The following DNAJC11 variants were observed in gnomAD, a reference collection of about 807,000 sequenced individuals.
The protein encoded by DNAJC11 is dnaJ homolog subfamily C member 11.
A neutral mutation model predicts 78.6 loss-of-function variants in DNAJC11; 15 were observed. The observed-to-expected ratio is 0.19, with a 90% confidence interval of 0.13 to 0.29. The LOEUF (loss-of-function observed/expected upper bound fraction) is 0.29, where lower values mean the gene tolerates loss of function less well. Among genes scored for constraint, DNAJC11 ranks in the 10% least tolerant of loss-of-function variants. The pLI is 1.00. For synonymous variants in DNAJC11, 292 were observed against 272.1 expected (o/e 1.07, Z -0.72); for missense variants, 547 against 709.6 (o/e 0.77, Z 2.60).
intron 4 of DNAJC11, among the ~76,000 whole-genome samples, chr1:6,662,352 C>T (rs1642229787): frequency 6.6e-6 from 1 of 151,944 alleles, no homozygotes. Flanking sequence ...TGCCACCACG[C>T]CTGGCTAATT....
At position 6,645,674 on chromosome 1, in the gene DNAJC11, A is replaced by C. The variant is rs184895317; in HGVS notation, c.894+115T>G. ...GAGAGCCTGCCCCTCAGGGCCCTGT[A>C]TGGGCTTAGACTTAGTGGTGATCAG... On this transcript the variant is annotated intron_variant, in intron 8 of 15. Coordinates refer to ENST00000377577, the MANE Select transcript of DNAJC11 (RefSeq NM_018198.4). This position sits in a 1 kb window ranked among gnomAD's most constrained non-coding sequence, Gnocchi z 4.1. 3.9e-4 allele frequency: 468 copies of C among 1,206,308 alleles called. 1 individual carries two copies. In the African/African-American group the frequency reaches 6.4e-3, roughly 17 times the overall value. The allele number at this position is 1,206,308 out of a possible 1,614,324, so 74.7% of individuals were successfully genotyped here.
At chr1:6,697,610 C>T (rs1642858250) in intron 1 of DNAJC11, among the ~76,000 whole-genome samples, 1 of 152,186 alleles carries the variant, frequency 6.6e-6, no homozygotes, top group Non-Finnish European at 1.5e-5. Flanking sequence ...GCTTGCCCAC[C>T]ACTCACCTCC....
In DNAJC11 at chr1:6,645,689, G is replaced by A. The variant is rs1570270174; in HGVS notation, c.894+100C>T. ...AGGGCCCTGTATGGGCTTAGACTTA[G>A]TGGTGATCAGGACGCAGGATTTAAG... is the stretch of plus-strand genomic sequence containing the variant. On this transcript the variant is annotated intron_variant, in intron 8 of 15. Coordinates refer to ENST00000377577, the MANE Select transcript of DNAJC11 (RefSeq NM_018198.4). This position sits in a 1 kb window ranked among gnomAD's most constrained non-coding sequence, Gnocchi z 4.1. 24 of 1,371,920 alleles carry A rather than the reference G, an allele frequency of 1.7e-5. No individual in the cohort carries two copies. Among genetic ancestry groups the A allele is most frequent in the Non-Finnish European group, 2.2e-5 (22 of 983,816 alleles). The allele number at this position is 1,371,920 out of a possible 1,614,324, so 85.0% of individuals were successfully genotyped here.
rs778985996 is a variant in DNAJC11 at position 6,667,801 on chromosome 1, T to C, written c.286A>G (p.Arg96Gly). ...LEMEGWEVVE[R>G]RRTPAEIREE... ...CGAATTTCAGCAGGGGTTCTCCTCC[T>C]TTCCACAACCTATGCACAGAATCAA... is the stretch of plus-strand genomic sequence containing the variant. Residue 96 changes from arginine (R) to glycine (G), a missense_variant, in exon 4 of 16, where the codon AGG (arginine) becomes GGG (glycine). Transcript: ENST00000377577. The C allele has an allele frequency of 2.5e-6, 4 of 1,613,760 alleles. No individual in the cohort carries two copies. The highest frequency in any genetic ancestry group is 3.4e-6 in the Non-Finnish European group (4 of 1,180,018).
chr1:6,657,688 G>A (rs1033727503), intron 4 of DNAJC11, among the ~76,000 whole-genome samples: 4 of 152,170 alleles, frequency 2.6e-5, no homozygotes, highest in African/African-American at 2.4e-5. Context: ...TCTGTCGCCT[G>A]GGCTGGAGTG....
chr1:6,654,130 G>A, intron 4 of DNAJC11, 91 bp from the exon 5 acceptor site: 1 of 1,508,578 alleles, frequency 6.6e-7, no homozygotes. Context: ...CGCTTTAATT[G>A]AACAAGTCAT....
At chr1:6,698,310 A>G (rs1642871838) in intron 1 of DNAJC11, among the ~76,000 whole-genome samples, 1 of 152,228 alleles carries the variant, frequency 6.6e-6, no homozygotes, top group Non-Finnish European at 1.5e-5. Context: ...AACAGGTATT[A>G]AGATATTCTT....
At chr1:6,694,907 G>A (rs548678529) in intron 1 of DNAJC11, among the ~76,000 whole-genome samples, 37 of 146,616 alleles carry the variant, frequency 2.5e-4, no homozygotes, top group Non-Finnish European at 4.5e-4. Context: ...CCCGGGAGGC[G>A]GAGCTTGCAA....
intron 4 of DNAJC11, among the ~76,000 whole-genome samples, chr1:6,660,930 C>T (rs2281190): frequency 1.3e-5 from 2 of 152,016 alleles, no homozygotes; most frequent in African/African-American, 2.4e-5. Context: ...TATTTGTACT[C>T]GTTGAGTAGA....
At chr1:6,701,261 G>A (rs1168950036) in intron 1 of DNAJC11, among the ~76,000 whole-genome samples, 1 of 152,150 alleles carries the variant, frequency 6.6e-6, no homozygotes, top group Non-Finnish European at 1.5e-5. Context: ...CTCGGGAACC[G>A]GAAAAAGCCC....
chr1:6,674,572 TA>T (rs1348434816), intron 3 of DNAJC11, among the ~76,000 whole-genome samples: 1 of 151,298 alleles, frequency 6.6e-6, no homozygotes, highest in Non-Finnish European at 1.5e-5. Context: ...AAAATAAAAA[TA>T]AAAAAATTAG....
Position 6,653,793 on chromosome 1 carries a change from C to G in DNAJC11, c.507+118G>C. The stretch of plus-strand genomic sequence containing the variant: ...TTCTTTTTTAAGTGGCTAATTGCAT[C>G]CTTTCATAAATAAAGATGAGAAAAA... On this transcript the variant is annotated intron_variant, in intron 5 of 15. Transcript: ENST00000377577. The surrounding 1 kb of genome is among the most constrained non-coding windows in gnomAD (Gnocchi z 4.5). 1 of 1,342,726 alleles carries G rather than the reference C, an allele frequency of 7.4e-7. No individual in the cohort carries two copies. The highest frequency in any genetic ancestry group is 1.3e-5 in the South Asian group (1 of 74,310). The allele number at this position is 1,342,726 out of a possible 1,614,324, so 83.2% of individuals were successfully genotyped here.
At chr1:6,666,182 C>T (rs1642290797) in intron 4 of DNAJC11, among the ~76,000 whole-genome samples, 1 of 152,164 alleles carries the variant, frequency 6.6e-6, no homozygotes, top group African/African-American at 2.4e-5. Context: ...GAGTGATACA[C>T]AAGCTTCATT....
At chr1:6,696,756 A>T (rs1004652766) in intron 1 of DNAJC11, among the ~76,000 whole-genome samples, 3 of 152,232 alleles carry the variant, frequency 2.0e-5, no homozygotes, top group African/African-American at 7.2e-5. Context: ...GCAAGAAAAA[A>T]ACTATTTATT....
intron 7 of DNAJC11, among the ~76,000 whole-genome samples, chr1:6,650,240 G>T (rs1642034311): frequency 6.6e-6 from 1 of 151,716 alleles, no homozygotes; most frequent in African/African-American, 2.4e-5. Flanking sequence ...TCCAGCCGGG[G>T]TGACAAAGTG....
intron 1 of DNAJC11, among the ~76,000 whole-genome samples, chr1:6,687,458 G>A (rs181889368): frequency 4.0e-5 from 6 of 149,490 alleles, no homozygotes; most frequent in African/African-American, 9.8e-5. Flanking sequence ...CCGGGTTCAT[G>A]CCATTCTCCT....
chr1:6,645,741 G>T lies in DNAJC11; in HGVS notation c.894+48C>A, dbSNP rs1641954361. 3 of 1,581,374 alleles carry T rather than the reference G, an allele frequency of 1.9e-6. No individual in the cohort carries two copies. Among genetic ancestry groups the T allele is most frequent in the South Asian group, 2.2e-5 (2 of 89,350 alleles). On this transcript the variant is annotated intron_variant, in intron 8 of 15. Transcript: ENST00000377577. The surrounding 1 kb of genome is among the most constrained non-coding windows in gnomAD (Gnocchi z 4.1). ...GGAGCACTGAGTGCTTGGGAGGAGG[G>T]GTCCTCCCAGAGCTCTGTCTGCAGG... is the stretch of plus-strand genomic sequence containing the variant.
chr1:6,687,909 C>T (rs545583535), intron 1 of DNAJC11, among the ~76,000 whole-genome samples: 1 of 152,264 alleles, frequency 6.6e-6, no homozygotes, highest in East Asian at 1.9e-4. Flanking sequence ...CAGGATTTAA[C>T]GTGAGACTAA....
intron 3 of DNAJC11, among the ~76,000 whole-genome samples, chr1:6,672,506 AG>A (rs1455180796): frequency 2.0e-5 from 3 of 152,254 alleles, no homozygotes; most frequent in African/African-American, 7.2e-5. Flanking sequence ...AATAATCCAA[AG>A]GTGGCAGATC....
Sources: gnomAD v4.1 joint callset for allele counts (sites outside exome capture counted in the v4.1 genomes callset) on GRCh38, gnomAD v4.1.1 for gene constraint, Gnocchi (gnomAD v3.1) non-coding constraint, MANE v1.5 for transcripts, NCBI Gene and HGNC (gene_info 2026-07-23, HGNC 2026-07-21) for gene names.